LRRC63: variants seen among roughly 807,000 people sequenced by gnomAD.
LRRC63 encodes the protein leucine-rich repeat-containing protein 63.
In LRRC63, 40 loss-of-function variants were observed where a neutral mutation model predicts 49.5. That is an observed-to-expected ratio of 0.81 (90% CI 0.63 to 1.05). LRRC63 has a LOEUF of 1.05. Ranked by LOEUF, LRRC63 falls within the 50% of genes least tolerant of loss-of-function variation. The pLI is 0.00. For synonymous variants in LRRC63, 191 were observed against 221.1 expected (o/e 0.86, Z 1.21); for missense variants, 636 against 663.1 (o/e 0.96, Z 0.45).
chr13:46,261,526 C>T (rs2047613858), intron 7 of LRRC63, among the ~76,000 whole-genome samples: 1 of 152,158 alleles, frequency 6.6e-6, no homozygotes, highest in Non-Finnish European at 1.5e-5. Context: ...AGGGAACCAG[C>T]CCTGCTAATA....
At chr13:46,241,059 G>T (rs964477659) in intron 5 of LRRC63, among the ~76,000 whole-genome samples, 1 of 152,178 alleles carries the variant, frequency 6.6e-6, no homozygotes, top group African/African-American at 2.4e-5. Flanking sequence ...AAAGCTAGAG[G>T]CATCATGCTA....
intron 2 of LRRC63, among the ~76,000 whole-genome samples, chr13:46,214,350 T>A (rs1338406584): frequency 6.6e-6 from 1 of 152,248 alleles, no homozygotes; most frequent in Admixed American, 6.5e-5. Context: ...TTTTGTTACA[T>A]GATTTTTACA....
chr13:46,237,534 A>G (rs565045215), intron 5 of LRRC63, among the ~76,000 whole-genome samples: 1 of 152,264 alleles, frequency 6.6e-6, no homozygotes, highest in South Asian at 2.1e-4. Flanking sequence ...TACACCTTAA[A>G]GAACTTGAAG....
chr13:46,217,070 C>A (rs1593996230), intron 2 of LRRC63, among the ~76,000 whole-genome samples: 1 of 151,478 alleles, frequency 6.6e-6, no homozygotes, highest in Non-Finnish European at 1.5e-5. Flanking sequence ...TGAAATTTTC[C>A]TTTTTCTGTT....
intron 2 of LRRC63, among the ~76,000 whole-genome samples, chr13:46,218,024 T>C (rs546191933): frequency 1.2e-4 from 18 of 152,336 alleles, no homozygotes; most frequent in African/African-American, 4.3e-4. Flanking sequence ...CTTCCAATTA[T>C]GTGGTCAATT....
At chr13:46,227,004 C>A (rs1459939256) in intron 2 of LRRC63, among the ~76,000 whole-genome samples, 1 of 152,122 alleles carries the variant, frequency 6.6e-6, no homozygotes, top group African/African-American at 2.4e-5. Context: ...TTGTTATAAC[C>A]TAAATGAGCT....
chr13:46,242,486 G>T (rs1178512039), intron 5 of LRRC63, among the ~76,000 whole-genome samples: 1 of 151,980 alleles, frequency 6.6e-6, no homozygotes, highest in Non-Finnish European at 1.5e-5. Context: ...AGAAAAAAAA[G>T]ACCTAGAAAA....
At chr13:46,276,828 G>GTATATATATATATATATATATATTTA (rs1286499681) in exon 10 of LRRC63, 1 of 138,532 alleles carries the variant, frequency 7.2e-6, no homozygotes, top group East Asian at 1.7e-4. Context: ...GTATGTGTGT[G>GTATATATATATATATATATATATTTA]TATATATATA....
intron 4 of LRRC63, among the ~76,000 whole-genome samples, chr13:46,231,567 T>C (rs2046757237): frequency 6.6e-6 from 1 of 152,084 alleles, no homozygotes. Context: ...TGGAGTGCAG[T>C]AGGACAATCT....
At chr13:46,217,749 T>C (rs961701802) in intron 2 of LRRC63, among the ~76,000 whole-genome samples, 10 of 152,250 alleles carry the variant, frequency 6.6e-5, no homozygotes, top group Admixed American at 1.3e-4. Flanking sequence ...CATTTAGTGC[T>C]ATAAATTTCC....
At chr13:46,258,124 C>CTTTT (rs61630248) in intron 7 of LRRC63, among the ~76,000 whole-genome samples, 10 of 100,582 alleles carry the variant, frequency 9.9e-5, no homozygotes, top group South Asian at 7.1e-4. Context: ...GTGACCTACT[C>CTTTT]TTTTTTTTTT....
intron 7 of LRRC63, among the ~76,000 whole-genome samples, chr13:46,260,828 A>C (rs1449118095): frequency 6.6e-6 from 1 of 152,244 alleles, no homozygotes; most frequent in Non-Finnish European, 1.5e-5. Flanking sequence ...CAAGCTGGAC[A>C]AGTAGCATGG....
chr13:46,247,873 C>G (rs974571508), intron 6 of LRRC63, among the ~76,000 whole-genome samples: 3 of 152,014 alleles, frequency 2.0e-5, no homozygotes, highest in African/African-American at 4.8e-5. Context: ...TATACATATA[C>G]TTGGTCTTCT....
rs779218967 is a variant in LRRC63 at position 46,228,638 on chromosome 13, C to A, written c.764-27C>A. 12 of 1,343,140 alleles carry A rather than the reference C, an allele frequency of 8.9e-6. No individual in the cohort carries two copies. The South Asian group carries it at 1.3e-4, about 14-fold the overall frequency. The allele number at this position is 1,343,140 out of a possible 1,614,324, so 83.2% of individuals were successfully genotyped here. ...GTGAATTTTTACAAATATCCAAAGT[C>A]ATCCCATTTGTTTTTCATTTTTCTA... On this transcript the variant is annotated intron_variant, in intron 3 of 9. Transcript: ENST00000595396.
rs541626633 is a variant in LRRC63 at position 46,271,996 on chromosome 13, T to A, written c.1551-4594T>A. ...TAATAAAATGAGATAATTATAACAG[T>A]ATGCCAGTATCACTACTGTTGCACT... On this transcript the variant is annotated intron_variant, in intron 9 of 9. Transcript: ENST00000595396. Among the ~76,000 whole-genome samples, 157 of 152,288 alleles carry A rather than the reference T, an allele frequency of 1.0e-3. 2 individuals are homozygous for A. Among genetic ancestry groups the A allele is most frequent in the African/African-American group, 3.5e-3 (146 of 41,568 alleles).
At chr13:46,231,207 T>C (rs1256068309) in intron 4 of LRRC63, among the ~76,000 whole-genome samples, 1 of 152,236 alleles carries the variant, frequency 6.6e-6, no homozygotes, top group Non-Finnish European at 1.5e-5. Context: ...GGTTCCAAAG[T>C]GGCTTCCACA....
chr13:46,230,665 C>G (rs1290393402), intron 4 of LRRC63, among the ~76,000 whole-genome samples: 1 of 152,158 alleles, frequency 6.6e-6, no homozygotes, highest in Non-Finnish European at 1.5e-5. Flanking sequence ...GTATTTGGAT[C>G]CTTTTTAGTT....
At chr13:46,268,024 G>A (rs1024937438) in intron 9 of LRRC63, among the ~76,000 whole-genome samples, 4 of 152,202 alleles carry the variant, frequency 2.6e-5, no homozygotes, top group South Asian at 4.2e-4. Context: ...ACATTCAAAT[G>A]AATATTAGCT....
intron 5 of LRRC63, among the ~76,000 whole-genome samples, chr13:46,239,696 A>G (rs2047000450): frequency 6.6e-6 from 1 of 151,894 alleles, no homozygotes; most frequent in South Asian, 2.1e-4. Flanking sequence ...AGCAACAACA[A>G]CAACAACAAA....
Sources: allele counts gnomAD v4.1 joint callset (sites outside exome capture counted in the v4.1 genomes callset), GRCh38; gene constraint gnomAD v4.1.1; transcripts MANE v1.5; gene names NCBI Gene and HGNC (gene_info 2026-07-23, HGNC 2026-07-21).